Variants in TAFA1 observed in about 807,000 individuals in gnomAD.
TAFA1 encodes TAFA chemokine like family member 1, also known as chemokine-like protein TAFA-1.
TAFA1 carries 4 observed loss-of-function variants against 18.5 expected under a neutral mutation model. The observed-to-expected ratio is 0.22, with a 90% CI of 0.11 to 0.49. The LOEUF (loss-of-function observed/expected upper bound fraction) is 0.49, where lower values mean the gene tolerates loss of function less well. Among genes scored for constraint, TAFA1 ranks in the 20% least tolerant of loss-of-function variants. The pLI, the probability that TAFA1 is intolerant of heterozygous loss-of-function variation, is 0.98. For synonymous variants in TAFA1, 56 were observed against 55.2 expected (o/e 1.01, Z -0.06); for missense variants, 147 against 169.0 (o/e 0.87, Z 0.72).
intron 3 of TAFA1, among the ~76,000 whole-genome samples, chr3:68,517,975 A>G (rs1231035067): frequency 3.3e-5 from 5 of 152,188 alleles, no homozygotes; most frequent in African/African-American, 1.2e-4. Flanking sequence ...CTTTTGCTCC[A>G]GAAATGCTGA....
At chr3:68,149,899 G>A (rs2065785002) in intron 2 of TAFA1, among the ~76,000 whole-genome samples, 1 of 152,176 alleles carries the variant, frequency 6.6e-6, no homozygotes. Flanking sequence ...TAGAGGCATA[G>A]GAGATGGAGC....
chr3:68,453,207 C>A (rs2071596499), intron 3 of TAFA1, among the ~76,000 whole-genome samples: 2 of 152,150 alleles, frequency 1.3e-5, no homozygotes. Flanking sequence ...GTGCCCCAAA[C>A]CCTCTGTCTT....
rs139612897 is a variant in TAFA1, at chr3:68,274,851, T to C, written c.119-142429T>C. 3.5e-3 allele frequency among the ~76,000 whole-genome samples: 533 copies of C among 152,280 alleles called. 3 individuals carry two copies. The highest frequency in any genetic ancestry group is 0.012 in the African/African-American group (510 of 41,566). On this transcript the variant is annotated intron_variant, in intron 2 of 4. Coordinates refer to ENST00000478136, the MANE Select transcript of TAFA1 (RefSeq NM_213609.4). ...CTCTCTCTCTGTTTCTCTTTCTTTC[T>C]TGTTTTGCTGTTTTCTCTAGAAATG...
chr3:68,326,819 T>C (rs1379721428), intron 2 of TAFA1, among the ~76,000 whole-genome samples: 1 of 152,130 alleles, frequency 6.6e-6, no homozygotes, highest in Non-Finnish European at 1.5e-5. Context: ...GATAAATAAA[T>C]AGGGGCTGAG....
At chr3:68,389,120 G>T (rs539072466) in intron 2 of TAFA1, among the ~76,000 whole-genome samples, 2 of 152,264 alleles carry the variant, frequency 1.3e-5, no homozygotes, top group East Asian at 1.9e-4. Flanking sequence ...CATCCATGTA[G>T]GTTGATATTT....
chr3:68,499,717 G>T (rs760697264), intron 3 of TAFA1, among the ~76,000 whole-genome samples: 3 of 151,808 alleles, frequency 2.0e-5, no homozygotes, highest in Non-Finnish European at 2.9e-5. Context: ...AGAAATAAAC[G>T]TATGAATAAT....
intron 2 of TAFA1, among the ~76,000 whole-genome samples, chr3:68,415,385 G>T (rs893323894): frequency 6.6e-6 from 1 of 152,140 alleles, no homozygotes; most frequent in African/African-American, 2.4e-5. Context: ...TGTGTAGGGT[G>T]CTAATAGAAT....
At chr3:68,479,153 C>A (rs1041594965) in intron 3 of TAFA1, among the ~76,000 whole-genome samples, 1 of 148,300 alleles carries the variant, frequency 6.7e-6, no homozygotes, top group Admixed American at 6.8e-5. Context: ...ATCGCTTGAA[C>A]CCAGGAGGTG....
rs535241180 is a variant in TAFA1 at position 68,363,455 on chromosome 3, A to G, written c.119-53825A>G. Among the ~76,000 whole-genome samples, 18 of 152,254 alleles carry G rather than the reference A, an allele frequency of 1.2e-4. No individual in the cohort carries two copies. In the South Asian group the frequency reaches 3.7e-3, roughly 32 times the overall value. ...GTGTTCCCACTTGATAGATGAAAAC[A>G]CCAATGTTCAAAGAGGCTGAATGAC... On this transcript the variant is annotated intron_variant, in intron 2 of 4. Transcript: ENST00000478136.
intron 2 of TAFA1, among the ~76,000 whole-genome samples, chr3:68,037,983 C>G (rs1705087836): frequency 6.6e-6 from 1 of 152,116 alleles, no homozygotes; most frequent in South Asian, 2.1e-4. Context: ...AGACAACTTT[C>G]CATAGATTGC....
chr3:68,398,955 G>GAGTC (rs1454100778), intron 2 of TAFA1, among the ~76,000 whole-genome samples: 3 of 152,006 alleles, frequency 2.0e-5, no homozygotes, highest in Non-Finnish European at 4.4e-5. Context: ...CTCTCATTTA[G>GAGTC]TCTAACTGAC....
intron 2 of TAFA1, among the ~76,000 whole-genome samples, chr3:68,027,750 T>G (rs76702627): frequency 2.2e-4 from 33 of 152,340 alleles, no homozygotes; most frequent in Admixed American, 2.1e-3. Flanking sequence ...TCTTGGAAAC[T>G]TTGAAAATGT....
intron 2 of TAFA1, among the ~76,000 whole-genome samples, chr3:68,252,212 C>G (rs888099181): frequency 1.3e-5 from 2 of 152,088 alleles, no homozygotes; most frequent in East Asian, 3.9e-4. Context: ...AGATGTAACC[C>G]TTCTTTTCCA....
intron 2 of TAFA1, among the ~76,000 whole-genome samples, chr3:68,205,174 A>T (rs1189980327): frequency 6.6e-6 from 1 of 151,846 alleles, no homozygotes; most frequent in East Asian, 1.9e-4. Flanking sequence ...TTTAGGCATC[A>T]CACCTTTCCA....
chr3:68,340,611 A>ATT (rs58453444), intron 2 of TAFA1, among the ~76,000 whole-genome samples: 1 of 150,638 alleles, frequency 6.6e-6, no homozygotes, highest in African/African-American at 2.4e-5. Context: ...TTCCTCTCCC[A>ATT]TTTTTTTTTC....
chr3:68,165,518 C>T (rs2065973270), intron 2 of TAFA1, among the ~76,000 whole-genome samples: 2 of 152,208 alleles, frequency 1.3e-5, no homozygotes, highest in Admixed American at 6.5e-5. Context: ...ACATTTGCTA[C>T]ATACCAGCTA....
At chr3:68,110,109 T>G (rs1396083029) in intron 2 of TAFA1, among the ~76,000 whole-genome samples, 2 of 152,164 alleles carry the variant, frequency 1.3e-5, no homozygotes, top group Admixed American at 1.3e-4. Flanking sequence ...CATTAGCTAT[T>G]CTTTGTGATG....
At chr3:68,458,878 G>T (rs1041172591) in intron 3 of TAFA1, among the ~76,000 whole-genome samples, 9 of 151,960 alleles carry the variant, frequency 5.9e-5, no homozygotes, top group Admixed American at 2.0e-4. Flanking sequence ...TCTGGGGCAG[G>T]TTCCCTGGGA....
At chr3:68,399,224 C>A (rs1023261693) in intron 2 of TAFA1, among the ~76,000 whole-genome samples, 1 of 152,136 alleles carries the variant, frequency 6.6e-6, no homozygotes. Flanking sequence ...AGAAGGTGTG[C>A]ATTTTACAAA....
Sources: gnomAD v4.1 joint callset for allele counts (sites outside exome capture counted in the v4.1 genomes callset) on GRCh38, gnomAD v4.1.1 for gene constraint, MANE v1.5 for transcripts, NCBI Gene and HGNC (gene_info 2026-07-23, HGNC 2026-07-21) for gene names.